OXTR: variants seen among roughly 807,000 people sequenced by gnomAD.
OXTR encodes the protein oxytocin receptor.
Under a neutral mutation model 23.9 loss-of-function variants are expected in OXTR, and 19 were observed. That is an observed-to-expected ratio of 0.80 (90% CI 0.56 to 1.17). The LOEUF is 1.17. OXTR is among the 50% of genes most tolerant of loss of function. The probability of loss-of-function intolerance (pLI) is 0.00; values close to 1 mark genes in which losing one functional copy is unlikely to be tolerated. For missense variants in OXTR, 500 were observed against 550.7 expected, an observed-to-expected ratio of 0.91 and a Z score of 0.92; for synonymous variants, 278 against 250.5, an observed-to-expected ratio of 1.11 and a Z score of -1.04.
rs914121817 is a variant in OXTR at position 8,769,502 on chromosome 3, T to C, written c.-510A>G. ...AGCGTCTGGATGCGGCGCTGTGCGC[T>C]GGGGCTGAGGCTGCACTATCGCACG... is the stretch of plus-strand genomic sequence containing the variant. On this transcript the variant is annotated 5_prime_UTR_variant, in exon 1 of 4. Coordinates refer to ENST00000316793, the MANE Select transcript of OXTR (RefSeq NM_000916.4). 1.3e-5 allele frequency: 2 copies of C among 152,466 alleles called. No individual in the cohort carries two copies. Among genetic ancestry groups the C allele is most frequent in the African/African-American group, 4.8e-5 (2 of 41,592 alleles). 9.4% of individuals were successfully genotyped at this position (152,466 alleles called of 1,614,324 possible).
the OXTR span, chr3:8,742,635 T>C: frequency 4.7e-6 from 2 of 425,912 alleles, no homozygotes; most frequent in South Asian, 3.4e-5. Context: ...TGAGCAATAT[T>C]ACCATCACAA....
downstream of OXTR, chr3:8,750,321 T>C (rs1196353218): frequency 6.6e-6 from 1 of 152,134 alleles, no homozygotes; most frequent in Non-Finnish European, 1.5e-5. Flanking sequence ...GTGAGCCACA[T>C]AGAGAAACAA....
At position 8,764,410 on chromosome 3, in the gene OXTR, A is replaced by G. The variant is rs1205772999; in HGVS notation, c.922+2856T>C. On this transcript the variant is annotated intron_variant, in intron 3 of 3. Coordinates refer to ENST00000316793, the MANE Select transcript of OXTR (RefSeq NM_000916.4). ...TGGAGTAAGGGGCCCTGGTCTAGAT[A>G]TTTCCGCATCTAAATTCTGTCCTCT... is the stretch of plus-strand genomic sequence containing the variant. 2.6e-5 allele frequency among the ~76,000 whole-genome samples: 4 copies of G among 152,154 alleles called. No individual in the cohort carries two copies. The East Asian group carries it at 5.8e-4, about 22-fold the overall frequency.
chr3:8,760,360 T>A (rs2268494), intron 3 of OXTR, among the ~76,000 whole-genome samples: 9,692 of 152,220 alleles, frequency 0.064, 375 homozygotes, highest in South Asian at 0.15. Context: ...GGTCCCACAT[T>A]TATGCATGTC....
chr3:8,766,920 G>A (rs1044380747), intron 3 of OXTR, among the ~76,000 whole-genome samples: 23 of 152,164 alleles, frequency 1.5e-4, no homozygotes, highest in African/African-American at 5.6e-4. Flanking sequence ...AGCAGATGGA[G>A]TCCCTTGAAC....
At chr3:8,766,656 G>T (rs1708614698) in intron 3 of OXTR, among the ~76,000 whole-genome samples, 1 of 152,140 alleles carries the variant, frequency 6.6e-6, no homozygotes, top group Admixed American at 6.5e-5. Context: ...TCGATGAGGA[G>T]TTCAGGGATT....
chr3:8,762,255 A>G (rs891626140), intron 3 of OXTR, among the ~76,000 whole-genome samples: 2 of 152,174 alleles, frequency 1.3e-5, no homozygotes, highest in African/African-American at 4.8e-5. Context: ...AAATGGAAAC[A>G]TGATGTAGCA....
chr3:8,752,798 G>C lies in OXTR; in HGVS notation c.*179C>G. 1.6e-6 allele frequency: 1 copy of C among 635,660 alleles called. No individual in the cohort carries two copies. Among genetic ancestry groups the C allele is most frequent in the Non-Finnish European group, 2.7e-6 (1 of 373,008 alleles). The allele number at this position is 635,660 out of a possible 1,614,324, so 39.4% of individuals were successfully genotyped here. On this transcript the variant is annotated 3_prime_UTR_variant, in exon 4 of 4. Transcript: ENST00000316793. ...GGCCAGGGTGTTGTCTGATGGCTGA[G>C]TCCCCTATCATCTTCCATCATGGAG... is the stretch of plus-strand genomic sequence containing the variant.
chr3:8,753,879 G>A (rs1708321964), intron 3 of OXTR, among the ~76,000 whole-genome samples: 1 of 152,152 alleles, frequency 6.6e-6, no homozygotes, highest in South Asian at 2.1e-4. Flanking sequence ...CCGGAAGGGG[G>A]TGCCACTCTG....
chr3:8,751,098 T>G lies in OXTR; in HGVS notation c.*1879A>C. The stretch of plus-strand genomic sequence containing the variant: ...CTAGTGATTGTAAACTGGAATCTCA[T>G]TGTGATTTTGACTTGCATTTCCCTA... On this transcript the variant is annotated 3_prime_UTR_variant, in exon 4 of 4. Coordinates refer to ENST00000316793, the MANE Select transcript of OXTR (RefSeq NM_000916.4). 6.6e-6 allele frequency: 1 copy of G among 152,222 alleles called. No individual in the cohort carries two copies. The highest frequency in any genetic ancestry group is 1.9e-4 in the East Asian group (1 of 5,190). 9.4% of individuals were successfully genotyped at this position (152,222 alleles called of 1,614,324 possible).
chr3:8,768,211 C>A lies in OXTR; in HGVS notation c.-24G>T. On this transcript the variant is annotated 5_prime_UTR_variant, in exon 3 of 4. Transcript: ENST00000316793. The surrounding 1 kb of genome is among the most constrained non-coding windows in gnomAD (Gnocchi z 5.4). ...ATGACCCTGGCGGCAGCGGTGCGCC[C>A]CGGCCTTCGAGCCCTTTACGGCTTG... The A allele has an allele frequency of 7.8e-7, 1 of 1,280,842 alleles. No individual in the cohort carries two copies. The highest frequency in any genetic ancestry group is 2.8e-5 in the South Asian group (1 of 35,864). 79.3% of individuals were successfully genotyped at this position (1,280,842 alleles called of 1,614,324 possible).
intron 3 of OXTR, among the ~76,000 whole-genome samples, chr3:8,758,422 G>A (rs775702223): frequency 6.6e-6 from 1 of 152,170 alleles, no homozygotes; most frequent in East Asian, 1.9e-4. Context: ...TTCACAAAAG[G>A]CCCGCACTTG....
downstream of OXTR, chr3:8,745,392 C>T (rs1708119974): frequency 1.4e-6 from 1 of 699,252 alleles, no homozygotes; most frequent in Non-Finnish European, 2.6e-6. The surrounding 1 kb of genome is among the most constrained non-coding windows in gnomAD (Gnocchi z 4.8). Flanking sequence ...GCAAGAATAG[C>T]CTAATACAGG....
chr3:8,767,938 C>T lies in OXTR; in HGVS notation c.250G>A (p.Ala84Thr). The T allele has an allele frequency of 6.2e-7, 1 of 1,613,286 alleles. No homozygotes were observed. Among genetic ancestry groups the T allele is most frequent in the South Asian group, 1.1e-5 (1 of 90,876 alleles). ...LFFFMKHLSI[A>T]DLVVAVFQVL... ...TGAAACACTGCCACCACCAGGTCGG[C>T]GATGCTTAGGTGCTTCATGAAGAAG... The change falls in exon 3 of 4, where the codon GCC (alanine) becomes ACC (threonine). Residue 84 changes from alanine to threonine, a missense_variant. Ala to Thr is a moderately conservative substitution (Grantham distance 58). Coordinates refer to ENST00000316793, the MANE Select transcript of OXTR (RefSeq NM_000916.4).
downstream of OXTR, among the ~76,000 whole-genome samples, chr3:8,749,788 T>C (rs1459745913): frequency 2.6e-5 from 4 of 152,192 alleles, no homozygotes; most frequent in Non-Finnish European, 2.9e-5. Context: ...GCCTCTCTTC[T>C]CCCAGAACCT....
intron 3 of OXTR, among the ~76,000 whole-genome samples, chr3:8,759,087 C>G (rs1020772577): frequency 6.6e-6 from 1 of 152,168 alleles, no homozygotes; most frequent in Non-Finnish European, 1.5e-5. Context: ...TAACAAAATA[C>G]GCATTAAAGT....
At position 8,767,813 on chromosome 3, in the gene OXTR, G is replaced by A. The variant is rs924372404; in HGVS notation, c.375C>T (p.Ala125=). 8 of 1,610,860 alleles carry A rather than the reference G, an allele frequency of 5.0e-6. No individual in the cohort carries two copies. The East Asian group carries it at 8.9e-5, about 18-fold the overall frequency. ...ACATGAGCAGCAGCAGGTAGGTGGAGGCGAACATGCCCACCACCTGCAAGT... is the reference window on the plus strand; with the variant it reads ...ACATGAGCAGCAGCAGGTAGGTGGAAGCGAACATGCCCACCACCTGCAAGT... The part of the protein sequence containing the change: ...VKYLQVVGMF[A]STYLLLLMSL... The change falls in exon 3 of 4, where the codon GCC becomes GCT. Residue 125 remains alanine, a synonymous_variant. Transcript: ENST00000316793.
chr3:8,765,966 C>T (rs1487130381), intron 3 of OXTR, among the ~76,000 whole-genome samples: 1 of 152,182 alleles, frequency 6.6e-6, no homozygotes, highest in African/African-American at 2.4e-5. Context: ...AGTTACCAAA[C>T]TGAATGAAAG....
intron 3 of OXTR, among the ~76,000 whole-genome samples, chr3:8,762,385 G>A (rs73810976): frequency 0.013 from 2,006 of 152,280 alleles, 38 homozygotes; most frequent in African/African-American, 0.046. Context: ...TCACCACAGG[G>A]CAGAAACCCT....
Sources: allele counts gnomAD v4.1 joint callset (sites outside exome capture counted in the v4.1 genomes callset), GRCh38; gene constraint gnomAD v4.1.1; non-coding constraint Gnocchi (gnomAD v3.1); transcripts MANE v1.5; gene names NCBI Gene and HGNC (gene_info 2026-07-23, HGNC 2026-07-21).